The following TRIM71 variants were observed in gnomAD, a reference collection of about 807,000 sequenced individuals.
TRIM71 encodes E3 ubiquitin-protein ligase TRIM71.
In TRIM71, 9 loss-of-function variants were observed where a neutral mutation model predicts 61.2. The ratio of observed to expected loss-of-function variants is 0.15; its 90% confidence interval spans 0.09 to 0.26. The LOEUF is 0.26. Ranked by LOEUF, TRIM71 falls within the 10% of genes least tolerant of loss-of-function variation. The pLI, the probability that TRIM71 is intolerant of heterozygous loss-of-function variation, is 1.00. For missense variants in TRIM71, 998 were observed against 1,238.7 expected, an observed-to-expected ratio of 0.81 and a Z score of 2.92; for synonymous variants, 645 against 553.2, an observed-to-expected ratio of 1.17 and a Z score of -2.33.
intron 1 of TRIM71, among the ~76,000 whole-genome samples, chr3:32,834,127 G>T (rs1696306106): frequency 6.6e-6 from 1 of 152,204 alleles, no homozygotes; most frequent in South Asian, 2.1e-4. Context: ...GAGCTTTGGG[G>T]CTCAGAGTTA....
rs1196910744 is a variant in TRIM71 at position 32,818,610 on chromosome 3, C to T, written c.530C>T (p.Ser177Phe). Reference protein sequence around the residue: ...LPQAPQPPAPSRSAPGGPAAS... With the variant: ...LPQAPQPPAPFRSAPGGPAAS... Reference sequence around the variant, plus strand: ...CAGGCGCCGCAGCCGCCCGCGCCTTCCCGCTCGGCACCCGGCGGCCCTGCC... The same window carrying T: ...CAGGCGCCGCAGCCGCCCGCGCCTTTCCGCTCGGCACCCGGCGGCCCTGCC... Residue 177 changes from serine (S) to phenylalanine (F), a missense_variant, in exon 1 of 4, where the codon TCC becomes TTC. Transcript: ENST00000383763. The T allele has an allele frequency of 5.7e-6, 8 of 1,395,566 alleles. No homozygotes were observed. Among genetic ancestry groups the T allele is most frequent in the Non-Finnish European group, 7.4e-6 (8 of 1,082,632 alleles). The allele number at this position is 1,395,566 out of a possible 1,614,324, so 86.4% of individuals were successfully genotyped here. A position where few individuals can be genotyped will look rare whatever the true frequency, so the allele number is the denominator to read the frequency against.
At chr3:32,884,620 G>T (rs989485975) in intron 2 of TRIM71, among the ~76,000 whole-genome samples, 2 of 152,040 alleles carry the variant, frequency 1.3e-5, no homozygotes, top group African/African-American at 4.8e-5. Context: ...GATCGCCATG[G>T]GGTAGAAGGA....
At chr3:32,845,514 G>A (rs1304850504) in intron 1 of TRIM71, among the ~76,000 whole-genome samples, 1 of 152,186 alleles carries the variant, frequency 6.6e-6, no homozygotes, top group South Asian at 2.1e-4. Context: ...GGAGTCTTCA[G>A]TTTGGGGGTT....
intron 1 of TRIM71, among the ~76,000 whole-genome samples, chr3:32,837,131 T>C (rs924633604): frequency 6.6e-6 from 1 of 152,210 alleles, no homozygotes; most frequent in African/African-American, 2.4e-5. Context: ...ACTCCCCAAA[T>C]GTAATCATTG....
At chr3:32,846,885 A>G (rs1696481861) in intron 1 of TRIM71, among the ~76,000 whole-genome samples, 1 of 152,224 alleles carries the variant, frequency 6.6e-6, no homozygotes, top group Admixed American at 6.5e-5. Flanking sequence ...TTAAAGGCTG[A>G]ATAGTATTCA....
chr3:32,836,947 G>C (rs924727256), intron 1 of TRIM71, among the ~76,000 whole-genome samples: 12 of 152,144 alleles, frequency 7.9e-5, no homozygotes, highest in African/African-American at 2.7e-4. Flanking sequence ...CATTCCTTCA[G>C]CATGTACCTA....
At position 32,820,064 on chromosome 3, in the gene TRIM71, G is replaced by T. The variant is rs146393593; in HGVS notation, c.852+1132G>T. On this transcript the variant is annotated intron_variant, in intron 1 of 3. Coordinates refer to ENST00000383763, the MANE Select transcript of TRIM71 (RefSeq NM_001039111.3). ...AAGTCTTGAGAAGCGGGCTCTTGCC[G>T]AGGGGGTCGGTAACTTAGGCGATCT... is the stretch of plus-strand genomic sequence containing the variant. Among the ~76,000 whole-genome samples, 686 of 152,362 alleles carry T rather than the reference G, an allele frequency of 4.5e-3. 4 individuals carry two copies. Among genetic ancestry groups the T allele is most frequent in the African/African-American group, 0.014 (601 of 41,572 alleles).
rs1217294927 is a variant in TRIM71 at position 32,818,502 on chromosome 3, C to G, written c.422C>G (p.Ala141Gly). The G allele has an allele frequency of 9.9e-6, 14 of 1,419,384 alleles. No individual in the cohort carries two copies. The South Asian group carries it at 1.5e-4, about 15-fold the overall frequency. 87.9% of individuals were successfully genotyped at this position (1,419,384 alleles called of 1,614,324 possible). A position where few individuals can be genotyped will look rare whatever the true frequency, so the allele number is the denominator to read the frequency against. Reference protein sequence around the residue: ...PPKNGRAGAPAGAGGHSNHRH... With the variant: ...PPKNGRAGAPGGAGGHSNHRH... ...AAGAACGGGCGCGCCGGCGCTCCGG[C>G]GGGAGCGGGCGGCCACAGCAACCAC... Residue 141 changes from alanine to glycine, a missense_variant, in exon 1 of 4, where the codon GCG becomes GGG. This residue lies in a region of TRIM71 where 527 missense variants were observed against 427.8 expected (regional missense o/e 1.23). Transcript: ENST00000383763.
chr3:32,837,601 C>G (rs903984327), intron 1 of TRIM71, among the ~76,000 whole-genome samples: 1 of 152,088 alleles, frequency 6.6e-6, no homozygotes, highest in Admixed American at 6.6e-5. Context: ...GGACGAATCA[C>G]GAGGTCAGGA....
intron 1 of TRIM71, among the ~76,000 whole-genome samples, chr3:32,823,394 G>A (rs1228531158): frequency 6.6e-6 from 1 of 152,194 alleles, no homozygotes; most frequent in African/African-American, 2.4e-5. Flanking sequence ...TATGGAGGCT[G>A]TTGTGGTATC....
At chr3:32,867,543 C>T (rs1200905740) in intron 1 of TRIM71, among the ~76,000 whole-genome samples, 2 of 152,046 alleles carry the variant, frequency 1.3e-5, no homozygotes, top group Non-Finnish European at 2.9e-5. Context: ...GCCTTCATCT[C>T]CTGTGCTCAA....
rs754169136 is a variant in TRIM71, at chr3:32,890,656, C to G, written c.1452C>G (p.Ala484=). 1.7e-4 allele frequency: 282 copies of G among 1,613,952 alleles called. No homozygotes were observed. Among genetic ancestry groups the G allele is most frequent in the Non-Finnish European group, 2.1e-4 (243 of 1,180,042 alleles). Residue 484 remains alanine, a synonymous_variant, in exon 4 of 4, where the codon GCC becomes GCG. Transcript: ENST00000383763. The surrounding 1 kb of genome is among the most constrained non-coding windows in gnomAD (Gnocchi z 6.2). ...GCTTTGTTAGCAGCGGGGCCTTTGC[C>G]CCACTCACCAAGGCCACAGGCGATG... The part of the protein sequence containing the change: ...SFGFVSSGAF[A]PLTKATGDGL...
intron 1 of TRIM71, among the ~76,000 whole-genome samples, chr3:32,858,324 C>G: frequency 6.6e-6 from 1 of 152,182 alleles, no homozygotes; most frequent in East Asian, 1.9e-4. Flanking sequence ...CAAACCTGCC[C>G]AGACTGACGG....
At chr3:32,855,312 T>G (rs1238925539) in intron 1 of TRIM71, among the ~76,000 whole-genome samples, 1 of 150,340 alleles carries the variant, frequency 6.7e-6, no homozygotes, top group Non-Finnish European at 1.5e-5. Flanking sequence ...GGGGTACCAG[T>G]GTTGTGTTTA....
intron 1 of TRIM71, among the ~76,000 whole-genome samples, chr3:32,867,660 G>T (rs780979345): frequency 6.6e-6 from 1 of 152,120 alleles, no homozygotes; most frequent in Non-Finnish European, 1.5e-5. Context: ...TTTGAAGTCT[G>T]TATGCATTGT....
At position 32,818,778 on chromosome 3, in the gene TRIM71, C is replaced by T; in HGVS notation, c.698C>T (p.Thr233Ile). The T allele has an allele frequency of 1.9e-6, 3 of 1,608,284 alleles. No homozygotes were observed. The highest frequency in any genetic ancestry group is 2.2e-5 in the East Asian group (1 of 44,746). Residue 233 changes from threonine to isoleucine, a missense_variant, in exon 1 of 4, where the codon ACC becomes ATC. Physicochemically the swap from Thr to Ile is moderately conservative, Grantham distance 89. Around this residue, in one of 5 missense-constraint regions of TRIM71, gnomAD observed 527 missense variants for 427.8 expected, o/e 1.23. Transcript: ENST00000383763. ...CGAGCGCACCAGCGCGTGCGCCTCA[C>T]CAAGGACCACTACATCGAGCGCGGC... is the stretch of plus-strand genomic sequence containing the variant. ...CVRAHQRVRL[T>I]KDHYIERGPP...
chr3:32,818,891 T>G lies in TRIM71; in HGVS notation c.811T>G (p.Phe271Val), dbSNP rs895574147. The change falls in exon 1 of 4, where the codon TTT (phenylalanine) becomes GTT (valine). Residue 271 changes from phenylalanine to valine, a missense_variant. Phe to Val is a conservative substitution (Grantham distance 50). Coordinates refer to ENST00000383763, the MANE Select transcript of TRIM71 (RefSeq NM_001039111.3). ...CCCGCCCTTCTCCATCCTCTCAGTG[T>G]TTCCCGAGCGCCTCGGCTTCTGCCA... ...PGPPFSILSV[F>V]PERLGFCQHH... is the part of the protein sequence containing the mutation. The G allele has an allele frequency of 2.2e-5, 36 of 1,612,676 alleles. No homozygotes were observed. The highest frequency in any genetic ancestry group is 1.7e-4 in the Middle Eastern group (1 of 6,060).
At chr3:32,881,867 A>G (rs1002387178) in intron 2 of TRIM71, among the ~76,000 whole-genome samples, 3 of 152,210 alleles carry the variant, frequency 2.0e-5, no homozygotes, top group Non-Finnish European at 4.4e-5. Context: ...TGGAAGGGAA[A>G]GACCTATTTT....
At chr3:32,879,361 T>C (rs775974956) in intron 2 of TRIM71, among the ~76,000 whole-genome samples, 3 of 152,114 alleles carry the variant, frequency 2.0e-5, no homozygotes, top group Non-Finnish European at 4.4e-5. Flanking sequence ...GCTTTGACTG[T>C]TTGGTGTAAG....
Sources: allele counts gnomAD v4.1 joint callset (sites outside exome capture counted in the v4.1 genomes callset), GRCh38; gene constraint gnomAD v4.1.1; regional missense constraint gnomAD v4.1.1; non-coding constraint Gnocchi (gnomAD v3.1); transcripts MANE v1.5; gene names NCBI Gene and HGNC (gene_info 2026-07-23, HGNC 2026-07-21).